SEC14L1: variants seen among roughly 807,000 people sequenced by gnomAD.
SEC14L1 encodes SEC14-like protein 1.
In SEC14L1, 48 loss-of-function variants were observed where a neutral mutation model predicts 85.3. The observed-to-expected ratio is 0.56, with a 90% CI of 0.45 to 0.72. The LOEUF (loss-of-function observed/expected upper bound fraction) is 0.72. Among genes scored for constraint, SEC14L1 ranks in the 30% least tolerant of loss-of-function variants. SEC14L1 has a pLI of 0.00. For missense variants in SEC14L1, 682 were observed against 921.4 expected, an observed-to-expected ratio of 0.74 and a Z score of 3.36; for synonymous variants, 391 against 355.5, an observed-to-expected ratio of 1.10 and a Z score of -1.12.
chr17:77,207,461 T>C (rs115175218), intron 13 of SEC14L1, among the ~76,000 whole-genome samples: 2,853 of 152,098 alleles, frequency 0.019, 88 homozygotes, highest in African/African-American at 0.065. Context: ...GGTTTTTTTT[T>C]TTCTTCTTGA....
At chr17:77,123,498 G>A (rs910976504) in intron 3 of SEC14L1, among the ~76,000 whole-genome samples, 4 of 141,646 alleles carry the variant, frequency 2.8e-5, no homozygotes, top group African/African-American at 8.0e-5. Flanking sequence ...TGCAACCTCC[G>A]CCTTCTGGGT....
At chr17:77,103,441 T>TTTTG (rs1397010988) in intron 3 of SEC14L1, among the ~76,000 whole-genome samples, 1 of 151,142 alleles carries the variant, frequency 6.6e-6, no homozygotes, top group African/African-American at 2.4e-5. Context: ...GTTGTTTTTT[T>TTTTG]TTTGTTGTTG....
chr17:77,093,553 T>A (rs1971566998), intron 3 of SEC14L1: 2 of 152,224 alleles, frequency 1.3e-5, no homozygotes, highest in East Asian at 3.9e-4. Flanking sequence ...ATGGGAAGTT[T>A]TGGGAGCGCA....
chr17:77,145,483 G>A (rs1973260862), intron 3 of SEC14L1, among the ~76,000 whole-genome samples: 1 of 152,162 alleles, frequency 6.6e-6, no homozygotes, highest in Non-Finnish European at 1.5e-5. Flanking sequence ...AGCTCTGTGT[G>A]TTAAGATGTC....
chr17:77,089,421 T>G, intron 2 of SEC14L1: 1 of 518,958 alleles, frequency 1.9e-6, no homozygotes. Context: ...CTTTCCTGGG[T>G]TTTGAATTTG....
intron 3 of SEC14L1, among the ~76,000 whole-genome samples, chr17:77,107,774 C>T (rs375535395): frequency 7.2e-5 from 11 of 152,316 alleles, no homozygotes; most frequent in South Asian, 6.2e-4. Flanking sequence ...CACGCGCTGA[C>T]GGCTGAGTTG....
At chr17:77,110,397 G>A (rs1334299410) in intron 3 of SEC14L1, among the ~76,000 whole-genome samples, 1 of 152,194 alleles carries the variant, frequency 6.6e-6, no homozygotes, top group East Asian at 1.9e-4. Context: ...CCTGGGTGAT[G>A]ATTGTTGATG....
At chr17:77,091,005 T>C (rs1324888579) in intron 2 of SEC14L1, among the ~76,000 whole-genome samples, 1 of 150,928 alleles carries the variant, frequency 6.6e-6, no homozygotes, top group Non-Finnish European at 1.5e-5. Flanking sequence ...GGCCAGGCCA[T>C]ACAGGGCCTT....
At chr17:77,102,485 T>G (rs1971800291) in intron 3 of SEC14L1, among the ~76,000 whole-genome samples, 1 of 151,950 alleles carries the variant, frequency 6.6e-6, no homozygotes, top group African/African-American at 2.4e-5. Flanking sequence ...TCTTCCCTTG[T>G]TTTCTTTCTC....
upstream of SEC14L1, among the ~76,000 whole-genome samples, chr17:77,140,089 G>A (rs1035015011): frequency 6.6e-6 from 1 of 152,232 alleles, no homozygotes; most frequent in Non-Finnish European, 1.5e-5. Flanking sequence ...AACCAGCTTT[G>A]CTGTGTGGGT....
chr17:77,126,555 G>A (rs117598113), intron 3 of SEC14L1, among the ~76,000 whole-genome samples: 2 of 152,134 alleles, frequency 1.3e-5, no homozygotes, highest in Non-Finnish European at 2.9e-5. Context: ...GAATCATAGC[G>A]GTTCCTTGCA....
At chr17:77,212,223 A>C in intron 15 of SEC14L1, 22 bp downstream of exon 15, 1 of 1,610,822 alleles carries the variant, frequency 6.2e-7, no homozygotes. Flanking sequence ...CACAGGTCAA[A>C]TCGCGCATCC....
chr17:77,150,694 A>G (rs1189848115), intron 3 of SEC14L1, among the ~76,000 whole-genome samples: 2 of 152,202 alleles, frequency 1.3e-5, no homozygotes, highest in Non-Finnish European at 2.9e-5. Context: ...CATGTTGGGC[A>G]GCTGTGCCCA....
intron 3 of SEC14L1, chr17:77,181,128 G>A (rs1037270865): frequency 3.3e-5 from 5 of 152,196 alleles, no homozygotes; most frequent in African/African-American, 9.7e-5. Flanking sequence ...CAGCGTCTGA[G>A]GAAACTGATG....
At chr17:77,201,256 A>G (rs529542623) in intron 9 of SEC14L1, among the ~76,000 whole-genome samples, 25 of 151,994 alleles carry the variant, frequency 1.6e-4, no homozygotes, top group Non-Finnish European at 2.9e-4. Flanking sequence ...TCAAAAATAC[A>G]CTCTTTCCTG....
intron 3 of SEC14L1, among the ~76,000 whole-genome samples, chr17:77,121,182 T>A (rs555734799): frequency 1.3e-5 from 2 of 152,224 alleles, no homozygotes; most frequent in African/African-American, 4.8e-5. Context: ...CTGGCTTGAA[T>A]TGGCTAGGCT....
chr17:77,157,563 C>T (rs1211014048), intron 3 of SEC14L1, among the ~76,000 whole-genome samples: 6 of 150,660 alleles, frequency 4.0e-5, no homozygotes, highest in Non-Finnish European at 8.9e-5. Flanking sequence ...GGCCTCGCTG[C>T]GTTGCCCAGG....
intron 3 of SEC14L1, among the ~76,000 whole-genome samples, chr17:77,148,135 C>T (rs889919562): frequency 6.6e-6 from 1 of 152,094 alleles, no homozygotes; most frequent in African/African-American, 2.4e-5. Context: ...TCCCCCTCCC[C>T]CTGCATGTTA....
chr17:77,114,147 A>G lies in SEC14L1; in HGVS notation c.-136+20800A>G, dbSNP rs548024776. 1.1e-4 allele frequency among the ~76,000 whole-genome samples: 17 copies of G among 151,958 alleles called. No individual in the cohort carries two copies. The South Asian group carries it at 3.3e-3, about 30-fold the overall frequency. ...CACCTGCAGCAAGATCATTTTTATAAAACCCTTTGTTTGGCCACCTGGATA... is the reference window on the plus strand; with the variant it reads ...CACCTGCAGCAAGATCATTTTTATAGAACCCTTTGTTTGGCCACCTGGATA... On this transcript the variant is annotated intron_variant, in intron 3 of 19. Coordinates refer to the SEC14L1 transcript ENST00000392476.
Sources: gnomAD v4.1 joint callset for allele counts (sites outside exome capture counted in the v4.1 genomes callset) on GRCh38, gnomAD v4.1.1 for gene constraint, MANE v1.5 for transcripts, NCBI Gene and HGNC (gene_info 2026-07-23, HGNC 2026-07-21) for gene names.